Variants in AGBL1 observed in about 807,000 individuals in gnomAD.
AGBL1 encodes the protein cytosolic carboxypeptidase 4.
A neutral mutation model predicts 118.9 loss-of-function variants in AGBL1; 130 were observed. The observed-to-expected ratio is 1.09, with a 90% CI of 0.95 to 1.26. The LOEUF (loss-of-function observed/expected upper bound fraction) is 1.26, where lower values mean the gene tolerates loss of function less well. Among genes scored for constraint, AGBL1 ranks in the 50% most tolerant of loss-of-function variants. AGBL1 has a pLI of 0.00. For synonymous variants in AGBL1, 555 were observed against 478.9 expected, an observed-to-expected ratio of 1.16 and a Z score of -2.08; for missense variants, 1,584 against 1,298.1, an observed-to-expected ratio of 1.22 and a Z score of -3.38.
intron 23 of AGBL1, among the ~76,000 whole-genome samples, chr15:86,971,532 T>A (rs1204354317): frequency 6.6e-6 from 1 of 151,876 alleles, no homozygotes; most frequent in African/African-American, 2.4e-5. Flanking sequence ...AATTAAATAG[T>A]CAAGAACAGA....
At position 86,397,424 on chromosome 15, in the gene AGBL1, T is replaced by C; in HGVS notation, c.2433T>C (p.Ser811=). The change falls in exon 18 of 23, where the codon AGT becomes AGC. Residue 811 remains serine (S), a synonymous_variant. Coordinates refer to ENST00000614907, the MANE Select transcript of AGBL1 (RefSeq NM_001386094.1). ...ARVHPGESNA[S]WVMKGTLEFL... ...TTCATCCAGGAGAGAGCAATGCCAG[T>C]TGGGTGATGAAGGGTACCTTGGAGT... 6.2e-7 allele frequency: 1 copy of C among 1,613,096 alleles called. No homozygotes were observed.
rs1317441591 is a variant in AGBL1, at chr15:86,554,408, C to A, written c.2865C>A (p.Ser955Arg). Residue 955 changes from serine to arginine, a missense_variant, in exon 21 of 23, where the codon AGC becomes AGA. Transcript: ENST00000614907. ...LDKLAPAFTM[S>R]SCSFLVEKSR... ...AGCTAGCACCAGCATTCACAATGAG[C>A]AGCTGCAGCTTTCTCGTGGAGAAAT... 6.3e-7 allele frequency: 1 copy of A among 1,587,524 alleles called. No individual in the cohort carries two copies.
intron 1 of AGBL1, among the ~76,000 whole-genome samples, chr15:86,098,993 A>T (rs1055434479): frequency 1.2e-4 from 18 of 152,072 alleles, no homozygotes; most frequent in African/African-American, 4.3e-4. Flanking sequence ...TCCTTCATCA[A>T]TGTTTTGTAG....
intron 19 of AGBL1, among the ~76,000 whole-genome samples, chr15:86,527,242 C>T (rs2083280114): frequency 6.6e-6 from 1 of 152,216 alleles, no homozygotes; most frequent in Non-Finnish European, 1.5e-5. Context: ...ATATAATACA[C>T]ATTTAAACAC....
At position 86,123,628 on chromosome 15, in the gene AGBL1, A is replaced by T. The variant is rs115173707; in HGVS notation, c.52-18376A>T. Among the ~76,000 whole-genome samples, 1,289 of 152,326 alleles carry T rather than the reference A, an allele frequency of 8.5e-3. 25 individuals are homozygous for T. Among genetic ancestry groups the T allele is most frequent in the African/African-American group, 0.029 (1,195 of 41,578 alleles). On this transcript the variant is annotated intron_variant, in intron 1 of 22. Transcript: ENST00000614907. The stretch of plus-strand genomic sequence containing the variant: ...TCTTCCAATAAATTGCCAATCAAAA[A>T]ATGTTTGAATCCGCCTATGACCTGG...
At chr15:87,023,572 T>A (rs2081691646) in intron 24 of AGBL1, among the ~76,000 whole-genome samples, 1 of 151,972 alleles carries the variant, frequency 6.6e-6, no homozygotes, top group Non-Finnish European at 1.5e-5. Flanking sequence ...ACTAGACAGG[T>A]CATCAAGACA....
intron 18 of AGBL1, among the ~76,000 whole-genome samples, chr15:86,443,201 G>T (rs1207269388): frequency 6.6e-6 from 1 of 152,206 alleles, no homozygotes; most frequent in Admixed American, 6.5e-5. Flanking sequence ...GGGCACCAGG[G>T]ATCTCCAGAT....
At chr15:86,315,016 G>A (rs145335442) in intron 17 of AGBL1, among the ~76,000 whole-genome samples, 1 of 152,328 alleles carries the variant, frequency 6.6e-6, no homozygotes, top group East Asian at 1.9e-4. Context: ...AGGTTGTGGT[G>A]AGGATTAATG....
At chr15:86,983,106 A>C (rs1431435397) in intron 23 of AGBL1, among the ~76,000 whole-genome samples, 1 of 151,884 alleles carries the variant, frequency 6.6e-6, no homozygotes, top group Non-Finnish European at 1.5e-5. Context: ...TTGGTGTCTT[A>C]TTATGGTTCT....
intron 1 of AGBL1, among the ~76,000 whole-genome samples, chr15:86,111,756 C>T (rs764623183): frequency 6.6e-6 from 1 of 152,170 alleles, no homozygotes; most frequent in Non-Finnish European, 1.5e-5. Flanking sequence ...GGGTCTCCAA[C>T]CCCCGGGCCA....
intron 22 of AGBL1, among the ~76,000 whole-genome samples, chr15:86,841,162 C>T (rs1264804635): frequency 1.3e-5 from 2 of 152,156 alleles, no homozygotes; most frequent in Non-Finnish European, 2.9e-5. Flanking sequence ...CTCAGCATTT[C>T]TTTGGCAGCT....
At chr15:86,494,081 C>T (rs1484028396) in intron 18 of AGBL1, among the ~76,000 whole-genome samples, 10 of 152,004 alleles carry the variant, frequency 6.6e-5, no homozygotes, top group African/African-American at 1.7e-4. Flanking sequence ...GTCCTTGTGA[C>T]GTTGGAGCAT....
downstream of AGBL1, among the ~76,000 whole-genome samples, chr15:87,029,471 A>C (rs1035564361): frequency 5.5e-5 from 8 of 146,322 alleles, no homozygotes; most frequent in African/African-American, 2.1e-4. Context: ...TCCTCTTTCA[A>C]AGGACCAGCA....
chr15:86,980,779 A>T (rs895331163), intron 23 of AGBL1, among the ~76,000 whole-genome samples: 5 of 151,752 alleles, frequency 3.3e-5, no homozygotes, highest in Non-Finnish European at 5.9e-5. Context: ...AACTCAAATT[A>T]TATATTATTT....
rs780292382 is a variant in AGBL1, at chr15:86,397,455, G to T, written c.2464G>T (p.Val822Phe). 3.7e-6 allele frequency: 6 copies of T among 1,613,182 alleles called. No individual in the cohort carries two copies. The East Asian group carries it at 6.7e-5, about 18-fold the overall frequency. Residue 822 changes from valine (V) to phenylalanine (F), a missense_variant, in exon 18 of 23, where the codon GTC becomes TTC. Physicochemically the swap from Val to Phe is conservative, Grantham distance 50. Coordinates refer to ENST00000614907, the MANE Select transcript of AGBL1 (RefSeq NM_001386094.1). ...GATGAAGGGTACCTTGGAGTTCCTGGTCAGCAGTGACCCTGTGGCTAGGCT... is the reference window on the plus strand; with the variant it reads ...GATGAAGGGTACCTTGGAGTTCCTGTTCAGCAGTGACCCTGTGGCTAGGCT... Reference protein sequence around the residue: ...WVMKGTLEFLVSSDPVARLLR... With the variant: ...WVMKGTLEFLFSSDPVARLLR...
intron 24 of AGBL1, among the ~76,000 whole-genome samples, chr15:87,001,510 G>A: frequency 6.6e-6 from 1 of 152,004 alleles, no homozygotes; most frequent in Non-Finnish European, 1.5e-5. Context: ...TGGGATGGCT[G>A]GGACAAATGG....
chr15:86,293,721 T>C (rs2079586183), intron 16 of AGBL1, among the ~76,000 whole-genome samples: 1 of 152,220 alleles, frequency 6.6e-6, no homozygotes, highest in Non-Finnish European at 1.5e-5. Flanking sequence ...ATACTTCCTC[T>C]ACCTTTTGAA....
intron 22 of AGBL1, among the ~76,000 whole-genome samples, chr15:86,850,486 C>A (rs543891187): frequency 7.2e-5 from 11 of 152,328 alleles, no homozygotes; most frequent in Admixed American, 5.2e-4. Flanking sequence ...CGTCCTCACA[C>A]CATGGGTGCC....
At chr15:87,012,397 A>C (rs1030193272) in intron 24 of AGBL1, among the ~76,000 whole-genome samples, 1 of 152,320 alleles carries the variant, frequency 6.6e-6, no homozygotes, top group South Asian at 2.1e-4. Context: ...TAAATGTTTA[A>C]GGAAATGTAT....
Sources: allele counts gnomAD v4.1 joint callset (sites outside exome capture counted in the v4.1 genomes callset), GRCh38; gene constraint gnomAD v4.1.1; transcripts MANE v1.5; gene names NCBI Gene and HGNC (gene_info 2026-07-23, HGNC 2026-07-21).